TBC1D4: variants seen among roughly 807,000 people sequenced by gnomAD.
The protein encoded by TBC1D4 is TBC (Tre-2, BUB2, CDC16) domain-containing protein.
A neutral mutation model predicts 142.5 loss-of-function variants in TBC1D4; 121 were observed. The ratio of observed to expected loss-of-function variants is 0.85; its 90% CI spans 0.73 to 0.99. TBC1D4 has a LOEUF of 0.99. Ranked by LOEUF, TBC1D4 falls within the 50% of genes least tolerant of loss-of-function variation. TBC1D4 has a pLI of 0.00. For missense variants in TBC1D4, 1,475 were observed against 1,606.6 expected (o/e 0.92, Z 1.40); for synonymous variants, 630 against 628.2 (o/e 1.00, Z -0.04).
intron 10 of TBC1D4, 50 bp from the exon 11 acceptor site, chr13:75,324,451 ATCTT>A: frequency 1.9e-6 from 3 of 1,599,802 alleles, no homozygotes; most frequent in Non-Finnish European, 2.6e-6. Flanking sequence ...TTTTGACAAA[ATCTT>A]CATTCACTAT....
chr13:75,336,379 G>A (rs1377382562), intron 8 of TBC1D4, among the ~76,000 whole-genome samples: 1 of 146,368 alleles, frequency 6.8e-6, no homozygotes, highest in African/African-American at 2.5e-5. Flanking sequence ...CATGGTGACA[G>A]AGCAAGACTT....
rs1488354629 is a variant in TBC1D4 at position 75,326,256 on chromosome 13, A to G, written c.1974T>C (p.Asp658=). 6.2e-7 allele frequency: 1 copy of G among 1,614,012 alleles called. No homozygotes were observed. The highest frequency in any genetic ancestry group is 8.5e-7 in the Non-Finnish European group (1 of 1,180,018). ...GGGAACGCACACCCTGAGCCCTCCC[A>G]TCCTGCAAATTCAGCTTTCTCTTTG... ...SSTKRKLNLQ[D]GRAQGVRSPL... is the part of the protein sequence containing the mutation. Residue 658 remains aspartate, a synonymous_variant, in exon 10 of 21, where the codon GAT becomes GAC. Coordinates refer to ENST00000377636, the MANE Select transcript of TBC1D4 (RefSeq NM_014832.5).
chr13:75,438,764 C>T (rs574483908), intron 1 of TBC1D4, among the ~76,000 whole-genome samples: 10 of 152,178 alleles, frequency 6.6e-5, no homozygotes, highest in East Asian at 3.9e-4. Context: ...CTCTTAGATT[C>T]GTATATTAGA....
chr13:75,341,242 A>C lies in TBC1D4; in HGVS notation c.1501-7T>G. Reference sequence around the variant, plus strand: ...CACTGACTGGCTTCATTTTCTGTTCAACAGACAAACCAAAAGAACACTATG... The same window carrying C: ...CACTGACTGGCTTCATTTTCTGTTCCACAGACAAACCAAAAGAACACTATG... On this transcript the variant is annotated splice_polypyrimidine_tract_variant and splice_region_variant and intron_variant, in intron 6 of 20. Coordinates refer to ENST00000377636, the MANE Select transcript of TBC1D4 (RefSeq NM_014832.5). 5 of 1,611,842 alleles carry C rather than the reference A, an allele frequency of 3.1e-6. No individual in the cohort carries two copies. The highest frequency in any genetic ancestry group is 4.2e-6 in the Non-Finnish European group (5 of 1,178,146).
chr13:75,481,145 G>T, intron 1 of TBC1D4, 125 bp downstream of exon 1: 1 of 1,397,758 alleles, frequency 7.2e-7, no homozygotes, highest in Non-Finnish European at 9.4e-7. Context: ...AGCGCGCCAC[G>T]TGGAGCGCGC....
intron 1 of TBC1D4, among the ~76,000 whole-genome samples, chr13:75,478,766 TC>T (rs1888717739): frequency 6.6e-6 from 1 of 152,142 alleles, no homozygotes; most frequent in African/African-American, 2.4e-5. Flanking sequence ...GGTCCCAGCT[TC>T]CCCTACTATG....
Position 75,362,145 on chromosome 13 carries a change from C to T in TBC1D4, c.961G>A (p.Gly321Ser), listed in dbSNP as rs202229002. 156 of 1,613,360 alleles carry T rather than the reference C, an allele frequency of 9.7e-5. No homozygotes were observed. The highest frequency in any genetic ancestry group is 1.5e-5 in the Non-Finnish European group (18 of 1,179,992). Residue 321 changes from glycine (G) to serine (S), a missense_variant, in exon 2 of 21, where the codon GGC becomes AGC. Physicochemically the swap from Gly to Ser is moderately conservative, Grantham distance 56 (BLOSUM62 0). Coordinates refer to ENST00000377636, the MANE Select transcript of TBC1D4 (RefSeq NM_014832.5). This position sits in a 1 kb window ranked among gnomAD's most constrained non-coding sequence, Gnocchi z 4.2. ...CCCTCGTGAACTCTCCGTTGCACGC[C>T]GGTGACACTGCTGCACCGAGACCGA... ...EFRSRCSSVT[G>S]VQRRVHEGSQ...
chr13:75,287,802 G>T (rs192293265), intron 20 of TBC1D4, among the ~76,000 whole-genome samples: 22 of 152,276 alleles, frequency 1.4e-4, no homozygotes, highest in African/African-American at 4.8e-4. Flanking sequence ...GGTCTTGACA[G>T]GGGACTCACC....
chr13:75,401,226 T>G (rs2138351352), intron 1 of TBC1D4, among the ~76,000 whole-genome samples: 1 of 152,342 alleles, frequency 6.6e-6, no homozygotes. Flanking sequence ...GTGTGACAGC[T>G]TGTTTCCAGG....
At chr13:75,308,746 CAA>C (rs1327482182) in intron 14 of TBC1D4, among the ~76,000 whole-genome samples, 1 of 152,102 alleles carries the variant, frequency 6.6e-6, no homozygotes, top group Non-Finnish European at 1.5e-5. Flanking sequence ...TGCGAAACCT[CAA>C]GTGGGCAGAC....
At chr13:75,379,294 T>A (rs1372741042) in intron 1 of TBC1D4, among the ~76,000 whole-genome samples, 1 of 152,058 alleles carries the variant, frequency 6.6e-6, no homozygotes, top group Admixed American at 6.6e-5. Context: ...TTTCAAGATA[T>A]GTCTAAAAAA....
intron 1 of TBC1D4, among the ~76,000 whole-genome samples, chr13:75,466,446 T>C (rs139327428): frequency 2.0e-5 from 3 of 152,346 alleles, no homozygotes; most frequent in Non-Finnish European, 2.9e-5. Context: ...ACTGAGGATA[T>C]TTAACAATAA....
intron 1 of TBC1D4, among the ~76,000 whole-genome samples, chr13:75,478,036 A>AG (rs1252560030): frequency 1.3e-5 from 2 of 152,224 alleles, no homozygotes; most frequent in Non-Finnish European, 2.9e-5. Flanking sequence ...TCTGACCCAA[A>AG]GGGAGGTGTG....
intron 1 of TBC1D4, among the ~76,000 whole-genome samples, chr13:75,441,741 G>A (rs567541377): frequency 6.6e-6 from 1 of 152,286 alleles, no homozygotes; most frequent in African/African-American, 2.4e-5. Context: ...GAAACAGAAT[G>A]ACAACCCTTC....
intron 1 of TBC1D4, among the ~76,000 whole-genome samples, chr13:75,453,603 C>T (rs189154294): frequency 2.0e-5 from 3 of 152,192 alleles, no homozygotes; most frequent in East Asian, 1.9e-4. Context: ...GGCTCACACC[C>T]GTAATCCCAG....
intron 18 of TBC1D4, among the ~76,000 whole-genome samples, chr13:75,294,325 A>G (rs1875653328): frequency 6.6e-6 from 1 of 152,188 alleles, no homozygotes; most frequent in East Asian, 1.9e-4. Context: ...AGTCTTAGAG[A>G]CTGTCCCCCA....
intron 16 of TBC1D4, 91 bp from the exon 17 acceptor site, chr13:75,299,665 AACAG>A: frequency 6.8e-7 from 1 of 1,468,980 alleles, no homozygotes. Context: ...TCCAAGAATA[AACAG>A]ACACTCTTTC....
intron 8 of TBC1D4, among the ~76,000 whole-genome samples, chr13:75,328,075 T>G (rs539876332): frequency 1.3e-5 from 2 of 152,308 alleles, no homozygotes; most frequent in South Asian, 4.1e-4. Context: ...GAAGTTAGTT[T>G]GGTTACAAGA....
At chr13:75,314,667 A>G (rs1878112513) in intron 12 of TBC1D4, among the ~76,000 whole-genome samples, 1 of 152,138 alleles carries the variant, frequency 6.6e-6, no homozygotes, top group Non-Finnish European at 1.5e-5. Context: ...TCCATTGTTC[A>G]AAACTCCTGA....
Sources: allele counts gnomAD v4.1 joint callset (sites outside exome capture counted in the v4.1 genomes callset), GRCh38; gene constraint gnomAD v4.1.1; non-coding constraint Gnocchi (gnomAD v3.1); transcripts MANE v1.5; gene names NCBI Gene and HGNC (gene_info 2026-07-23, HGNC 2026-07-21).